TMEM141: variants seen among roughly 807,000 people sequenced by gnomAD.
The protein encoded by TMEM141 is transmembrane protein 141.
A neutral mutation model predicts 15.9 loss-of-function variants in TMEM141; 18 were observed. That is an observed-to-expected ratio of 1.13 (90% confidence interval 0.78 to 1.68). TMEM141 has a LOEUF of 1.68. Ranked by LOEUF, TMEM141 falls within the 40% of genes most tolerant of loss-of-function variation. The pLI, the probability that TMEM141 is intolerant of heterozygous loss-of-function variation, is 0.00. For missense variants in TMEM141, 161 were observed against 139.5 expected (o/e 1.15, Z -0.78); for synonymous variants, 69 against 54.0 (o/e 1.28, Z -1.22).
chr9:136,792,958 A>G lies in TMEM141; in HGVS notation c.*126A>G. 1 of 1,267,530 alleles carries G rather than the reference A, an allele frequency of 7.9e-7. No homozygotes were observed. Among genetic ancestry groups the G allele is most frequent in the Non-Finnish European group, 1.0e-6 (1 of 992,126 alleles). 78.5% of individuals were successfully genotyped at this position (1,267,530 alleles called of 1,614,324 possible). On this transcript the variant is annotated 3_prime_UTR_variant, in exon 5 of 5. Coordinates refer to ENST00000290079, the MANE Select transcript of TMEM141 (RefSeq NM_032928.4). ...TACCCCAGTCGTATCCTCTGTCCGCATGTGTGGCCAGGCCTGACAAACACC... is the reference window on the plus strand; with the variant it reads ...TACCCCAGTCGTATCCTCTGTCCGCGTGTGTGGCCAGGCCTGACAAACACC...
rs1847606326 is a variant in TMEM141, at chr9:136,792,974, G to C, written c.*142G>C. 4.2e-6 allele frequency: 5 copies of C among 1,177,500 alleles called. No homozygotes were observed. The highest frequency in any genetic ancestry group is 4.3e-6 in the Non-Finnish European group (4 of 920,892). The allele number at this position is 1,177,500 out of a possible 1,614,324, so 72.9% of individuals were successfully genotyped here. ...TCTGTCCGCATGTGTGGCCAGGCCT[G>C]ACAAACACCTGCAGATGGCTGCTGC... On this transcript the variant is annotated 3_prime_UTR_variant, in exon 5 of 5. Coordinates refer to ENST00000290079, the MANE Select transcript of TMEM141 (RefSeq NM_032928.4).
At chr9:136,791,569 G>C in intron 1 of TMEM141, 142 bp from the exon 2 acceptor site, 1 of 1,565,424 alleles carries the variant, frequency 6.4e-7, no homozygotes, top group Non-Finnish European at 8.7e-7. Context: ...AGGGCGTCCG[G>C]GTGGGCATAG....
intron 4 of TMEM141, among the ~76,000 whole-genome samples, 178 bp downstream of exon 4, chr9:136,792,536 A>G (rs1264391526): frequency 6.6e-6 from 1 of 152,196 alleles, no homozygotes; most frequent in African/African-American, 2.4e-5. Flanking sequence ...CAGTAGACAG[A>G]TCTTGGAGAG....
At chr9:136,791,908 C>T (rs1453600325) in intron 2 of TMEM141, 39 bp from the exon 3 acceptor site, 3 of 1,613,542 alleles carry the variant, frequency 1.9e-6, no homozygotes, top group Admixed American at 1.7e-5. Context: ...CCCTGGCTAT[C>T]CCCGGGTACA....
intron 4 of TMEM141, 87 bp downstream of exon 4, chr9:136,792,445 G>C (rs114658401): frequency 9.0e-7 from 1 of 1,110,758 alleles, no homozygotes; most frequent in African/African-American, 1.5e-5. Flanking sequence ...TGCACCATGC[G>C]ATAGGCTAGA....
In TMEM141 at chr9:136,792,935, C is replaced by T; in HGVS notation, c.*103C>T. The T allele has an allele frequency of 7.3e-7, 1 of 1,377,868 alleles. No homozygotes were observed. The highest frequency in any genetic ancestry group is 1.8e-5 in the South Asian group (1 of 55,148). 85.4% of individuals were successfully genotyped at this position (1,377,868 alleles called of 1,614,324 possible). On this transcript the variant is annotated 3_prime_UTR_variant, in exon 5 of 5. Transcript: ENST00000290079. ...CCGACCCTCCCCACACCCTAGGGTA[C>T]CCCAGTCGTATCCTCTGTCCGCATG...
Position 136,792,341 on chromosome 9 carries a change from C to G in TMEM141, c.296C>G (p.Pro99Arg), listed in dbSNP as rs1293304908. 6.3e-7 allele frequency: 1 copy of G among 1,577,846 alleles called. No homozygotes were observed. Among genetic ancestry groups the G allele is most frequent in the Admixed American group, 1.8e-5 (1 of 54,752 alleles). Residue 99 changes from proline to arginine, a missense_variant, in exon 4 of 5, where the codon CCC (proline) becomes CGC (arginine). Coordinates refer to ENST00000290079, the MANE Select transcript of TMEM141 (RefSeq NM_032928.4). ...CTCTTCCTGGAGACCGGGCAGCTCC[C>G]CAAAGACAGGAGCACAGGTGAGAGA... ...LWLFLETGQL[P>R]KDRSTDQRS
chr9:136,792,730 G>A, intron 4 of TMEM141, 89 bp from the exon 5 acceptor site: 1 of 1,055,718 alleles, frequency 9.5e-7, no homozygotes, highest in Non-Finnish European at 1.4e-6. Flanking sequence ...CCTTGTTACG[G>A]AACCCAGTTT....
chr9:136,792,898 C>A lies in TMEM141; in HGVS notation c.*66C>A. ...AGTCTGGAACACAGCCTTCATGCCCCCTGACCCCAGGCCGACCCTCCCCAC... is the reference window on the plus strand; with the variant it reads ...AGTCTGGAACACAGCCTTCATGCCCACTGACCCCAGGCCGACCCTCCCCAC... On this transcript the variant is annotated 3_prime_UTR_variant, in exon 5 of 5. Transcript: ENST00000290079. 1.4e-6 allele frequency: 2 copies of A among 1,452,004 alleles called. No individual in the cohort carries two copies. Among genetic ancestry groups the A allele is most frequent in the Admixed American group, 5.0e-5 (2 of 40,334 alleles). The allele number at this position is 1,452,004 out of a possible 1,614,324, so 89.9% of individuals were successfully genotyped here. A position where few individuals can be genotyped will look rare whatever the true frequency, so the allele number is the denominator to read the frequency against.
chr9:136,792,265 G>C lies in TMEM141; in HGVS notation c.220G>C (p.Val74Leu). Residue 74 changes from valine to leucine, a missense_variant, in exon 4 of 5, where the codon GTC (valine) becomes CTC (leucine). Coordinates refer to ENST00000290079, the MANE Select transcript of TMEM141 (RefSeq NM_032928.4). ...CTGCTCCACAGTTGCAGGCTCTGTG[G>C]TCAGCTACGGGGTGACGAGAGTGGA... ...LLVAVVAGSV[V>L]SYGVTRVESE... 1 of 1,584,508 alleles carries C rather than the reference G, an allele frequency of 6.3e-7. No homozygotes were observed. The highest frequency in any genetic ancestry group is 8.6e-7 in the Non-Finnish European group (1 of 1,164,770).
rs1324340581 is a variant in TMEM141, at chr9:136,792,843, G to T, written c.*11G>T. The T allele has an allele frequency of 2.6e-6, 4 of 1,559,258 alleles. No individual in the cohort carries two copies. The highest frequency in any genetic ancestry group is 3.5e-6 in the Non-Finnish European group (4 of 1,151,970). ...GATCAGAGAAGCTAGGAGAGCTCCA[G>T]CAGGGGCACAGAGGATTGGGGGCAG... On this transcript the variant is annotated 3_prime_UTR_variant, in exon 5 of 5. Transcript: ENST00000290079.
chr9:136,792,602 A>C (rs1451390912), intron 4 of TMEM141, among the ~76,000 whole-genome samples: 1 of 152,174 alleles, frequency 6.6e-6, no homozygotes, highest in African/African-American at 2.4e-5. Flanking sequence ...GATTGAGAGG[A>C]AGGGTGCAGA....
rs775831970 is a variant in TMEM141 at position 136,792,014 on chromosome 9, C to A, written c.189C>A (p.Ser63Arg). 1.9e-6 allele frequency: 3 copies of A among 1,613,962 alleles called. No individual in the cohort carries two copies. The South Asian group carries it at 3.3e-5, about 18-fold the overall frequency. Residue 63 changes from serine to arginine, a missense_variant, in exon 3 of 5, where the codon AGC becomes AGA. Coordinates refer to ENST00000290079, the MANE Select transcript of TMEM141 (RefSeq NM_032928.4). ...QRKFPYPLQW[S>R]LLVAVVAGSV... ...AGTTTCCATACCCTTTGCAGTGGAG[C>A]CTCCTAGTGGCCGTGGGTGGGTACT...
chr9:136,792,767 T>C, intron 4 of TMEM141, 52 bp from the exon 5 acceptor site: 2 of 1,421,154 alleles, frequency 1.4e-6, no homozygotes, highest in Non-Finnish European at 1.9e-6. Context: ...GGCACAGGGA[T>C]GCCCAGCCAC....
intron 4 of TMEM141, among the ~76,000 whole-genome samples, 177 bp downstream of exon 4, chr9:136,792,535 G>T (rs1258912858): frequency 2.0e-5 from 3 of 152,226 alleles, no homozygotes; most frequent in Non-Finnish European, 2.9e-5. Context: ...GCAGTAGACA[G>T]ATCTTGGAGA....
At position 136,792,306 on chromosome 9, in the gene TMEM141, C is replaced by A; in HGVS notation, c.261C>A (p.Asn87Lys). 1 of 1,590,334 alleles carries A rather than the reference C, an allele frequency of 6.3e-7. No homozygotes were observed. The highest frequency in any genetic ancestry group is 8.6e-7 in the Non-Finnish European group (1 of 1,167,970). ...GVTRVESEKC[N>K]NLWLFLETGQ... ...CGAGAGTGGAGTCGGAGAAATGCAA[C>A]AACCTCTGGCTCTTCCTGGAGACCG... The change falls in exon 4 of 5, where the codon AAC (asparagine) becomes AAA (lysine). Residue 87 changes from asparagine (N) to lysine (K), a missense_variant. Coordinates refer to ENST00000290079, the MANE Select transcript of TMEM141 (RefSeq NM_032928.4).
chr9:136,791,770 C>T lies in TMEM141; in HGVS notation c.114C>T (p.Phe38=). The stretch of plus-strand genomic sequence containing the variant: ...CCTTCATGAAGGGCGTTTTCACCTT[C>T]GTCACAGGTAGGCTGCGTCCAGGTG... The part of the protein sequence containing the change: ...SHAFMKGVFT[F]VTGTGMAFGL... Residue 38 remains phenylalanine, a synonymous_variant, in exon 2 of 5, where the codon TTC becomes TTT. Transcript: ENST00000290079. 7 of 1,613,574 alleles carry T rather than the reference C, an allele frequency of 4.3e-6. No individual in the cohort carries two copies. The highest frequency in any genetic ancestry group is 5.9e-6 in the Non-Finnish European group (7 of 1,179,906).
At chr9:136,792,404 G>T (rs1373252963) in intron 4 of TMEM141, 46 bp downstream of exon 4, 28 of 1,489,062 alleles carry the variant, frequency 1.9e-5, no homozygotes, top group Non-Finnish European at 2.6e-5. Flanking sequence ...CACCTCTCCA[G>T]CACCCAGAGT....
rs766111171 is a variant in TMEM141, at chr9:136,791,951, C to T, written c.126C>T (p.Thr42=). ...MKGVFTFVTG[T]GMAFGLQMFI... The stretch of plus-strand genomic sequence containing the variant: ...GGGGACCTCGGCTCTTTGCAGGCAC[C>T]GGCATGGCCTTTGGCTTGCAGATGT... Residue 42 remains threonine, a synonymous_variant, in exon 3 of 5, where the codon ACC becomes ACT. Coordinates refer to ENST00000290079, the MANE Select transcript of TMEM141 (RefSeq NM_032928.4). 5.0e-6 allele frequency: 8 copies of T among 1,614,096 alleles called. No individual in the cohort carries two copies. The Admixed American group carries it at 5.0e-5, about 10-fold the overall frequency.
Sources: allele counts gnomAD v4.1 joint callset (sites outside exome capture counted in the v4.1 genomes callset), GRCh38; gene constraint gnomAD v4.1.1; transcripts MANE v1.5; gene names NCBI Gene and HGNC (gene_info 2026-07-23, HGNC 2026-07-21).